The following EXOC4 variants were observed in gnomAD, a reference collection of about 807,000 sequenced individuals.
EXOC4 encodes SEC8-like 1.
In EXOC4, 71 loss-of-function variants were observed where a neutral mutation model predicts 107.2. The observed-to-expected ratio is 0.66, with a 90% confidence interval of 0.55 to 0.81. EXOC4 has a LOEUF of 0.81. Among genes scored for constraint, EXOC4 ranks in the 30% least tolerant of loss-of-function variants. The pLI is 0.00. For synonymous variants in EXOC4, 456 were observed against 441.2 expected (o/e 1.03, Z -0.42); for missense variants, 1,108 against 1,189.6 (o/e 0.93, Z 1.01).
At chr7:133,320,791 A>G (rs1795093375) in intron 5 of EXOC4, among the ~76,000 whole-genome samples, 1 of 152,236 alleles carries the variant, frequency 6.6e-6, no homozygotes, top group Admixed American at 6.5e-5. Context: ...TCTGGATCAC[A>G]TTATTAAAGG....
At chr7:133,498,830 C>T (rs1002457716) in intron 9 of EXOC4, among the ~76,000 whole-genome samples, 1 of 152,132 alleles carries the variant, frequency 6.6e-6, no homozygotes, top group African/African-American at 2.4e-5. Flanking sequence ...AGCTTCTTGG[C>T]CTCTTTTGAA....
intron 5 of EXOC4, among the ~76,000 whole-genome samples, chr7:133,318,104 AGT>A (rs1481473547): frequency 1.3e-5 from 2 of 152,100 alleles, no homozygotes; most frequent in Non-Finnish European, 2.9e-5. Flanking sequence ...GGAGCTTCTG[AGT>A]GTGTGACCTC....
intron 10 of EXOC4, among the ~76,000 whole-genome samples, chr7:133,813,458 G>T (rs933974341): frequency 2.0e-5 from 3 of 152,006 alleles, no homozygotes; most frequent in Admixed American, 1.3e-4. Context: ...AAAGAGTTTC[G>T]GTGTATTTAC....
chr7:133,788,658 A>G (rs925432409), intron 10 of EXOC4, among the ~76,000 whole-genome samples: 3 of 152,006 alleles, frequency 2.0e-5, no homozygotes, highest in East Asian at 1.9e-4. Context: ...ACGCCTGGCT[A>G]ATTTTTATGT....
chr7:133,792,233 G>A (rs756362560), intron 10 of EXOC4, among the ~76,000 whole-genome samples: 13 of 151,998 alleles, frequency 8.6e-5, no homozygotes, highest in Non-Finnish European at 1.3e-4. Flanking sequence ...CTTCTACTCC[G>A]ATTAAACAGC....
intron 11 of EXOC4, among the ~76,000 whole-genome samples, chr7:133,862,478 G>T (rs1387863542): frequency 2.0e-5 from 3 of 151,830 alleles, no homozygotes; most frequent in African/African-American, 7.3e-5. Flanking sequence ...GCAAGACTTC[G>T]TCTCAGGGGG....
intron 10 of EXOC4, among the ~76,000 whole-genome samples, chr7:133,678,090 T>C (rs955296179): frequency 1.3e-5 from 2 of 152,202 alleles, no homozygotes; most frequent in African/African-American, 4.8e-5. Flanking sequence ...AGCTGCTATA[T>C]AAAAAAGAAT....
At chr7:133,292,676 G>T (rs1265428714) in intron 3 of EXOC4, among the ~76,000 whole-genome samples, 1 of 152,026 alleles carries the variant, frequency 6.6e-6, no homozygotes, top group African/African-American at 2.4e-5. Context: ...ATAGCTAGGT[G>T]CTTTTCTTTA....
intron 10 of EXOC4, among the ~76,000 whole-genome samples, chr7:133,795,154 G>C (rs1195936990): frequency 1.3e-5 from 2 of 152,110 alleles, no homozygotes; most frequent in African/African-American, 4.8e-5. Flanking sequence ...CAATAAATAA[G>C]AAATGATGAC....
intron 12 of EXOC4, among the ~76,000 whole-genome samples, chr7:133,909,397 G>C (rs961477875): frequency 6.6e-6 from 1 of 152,184 alleles, no homozygotes; most frequent in East Asian, 1.9e-4. Context: ...AGTAGGTTCA[G>C]GGAAGACGCC....
chr7:133,297,085 C>T (rs1335886278), intron 3 of EXOC4, among the ~76,000 whole-genome samples: 2 of 152,174 alleles, frequency 1.3e-5, no homozygotes, highest in African/African-American at 4.8e-5. Flanking sequence ...ATGTAAGACA[C>T]ACATCACATG....
rs115287724 is a variant in EXOC4 at position 133,933,625 on chromosome 7, T to C, written c.2028-4266T>C. Among the ~76,000 whole-genome samples the C allele has an allele frequency of 2.4e-3, 365 of 152,268 alleles. 5 individuals are homozygous for C. The highest frequency in any genetic ancestry group is 8.2e-3 in the African/African-American group (341 of 41,558). ...TACATAAAAATTCAGGCCTAGAAAG[T>C]GGAAATAATACTGTCCAGTTGCCAG... On this transcript the variant is annotated intron_variant, in intron 13 of 17. Transcript: ENST00000253861.
rs567630186 is a variant in EXOC4, at chr7:133,441,486, G to A, written c.1183-33842G>A. On this transcript the variant is annotated intron_variant, in intron 7 of 17. Coordinates refer to ENST00000253861, the MANE Select transcript of EXOC4 (RefSeq NM_021807.4). ...GCTTACTGCAGTCTCTGTCTCCCAGGTTCAAGTGATTCTCATGCCTCAGCC... is the reference window on the plus strand; with the variant it reads ...GCTTACTGCAGTCTCTGTCTCCCAGATTCAAGTGATTCTCATGCCTCAGCC... Among the ~76,000 whole-genome samples the A allele has an allele frequency of 3.9e-5, 6 of 152,278 alleles. No individual in the cohort carries two copies. In the East Asian group the frequency reaches 1.2e-3, roughly 29 times the overall value.
intron 9 of EXOC4, among the ~76,000 whole-genome samples, chr7:133,507,420 G>A (rs189354234): frequency 6.6e-6 from 1 of 152,158 alleles, no homozygotes. Context: ...TGGATAATTT[G>A]TGAGTGGGCA....
intron 10 of EXOC4, among the ~76,000 whole-genome samples, chr7:133,679,495 C>T (rs1447574699): frequency 6.6e-6 from 1 of 151,976 alleles, no homozygotes; most frequent in East Asian, 1.9e-4. Flanking sequence ...AGCCTTTAGC[C>T]TGATGTTCCA....
intron 7 of EXOC4, among the ~76,000 whole-genome samples, chr7:133,382,219 G>T (rs1357898021): frequency 6.6e-6 from 1 of 152,182 alleles, no homozygotes; most frequent in African/African-American, 2.4e-5. Flanking sequence ...ACAGGCTTTG[G>T]TGTATGCTAA....
chr7:133,298,019 C>T (rs895740728), intron 3 of EXOC4, among the ~76,000 whole-genome samples: 1 of 152,140 alleles, frequency 6.6e-6, no homozygotes, highest in Non-Finnish European at 1.5e-5. Context: ...GTGTAAATTG[C>T]AGCTGATGAC....
intron 5 of EXOC4, among the ~76,000 whole-genome samples, chr7:133,320,570 G>T (rs944141583): frequency 9.9e-5 from 15 of 152,210 alleles, no homozygotes; most frequent in African/African-American, 3.4e-4. Context: ...AATTACATCT[G>T]CAGTCTCCTT....
chr7:133,963,390 C>G (rs1174755380), intron 14 of EXOC4, among the ~76,000 whole-genome samples: 1 of 152,180 alleles, frequency 6.6e-6, no homozygotes, highest in Non-Finnish European at 1.5e-5. Flanking sequence ...TTGTAATACA[C>G]TAGAAAATCT....
Sources: allele counts gnomAD v4.1 joint callset (sites outside exome capture counted in the v4.1 genomes callset), GRCh38; gene constraint gnomAD v4.1.1; transcripts MANE v1.5; gene names NCBI Gene and HGNC (gene_info 2026-07-23, HGNC 2026-07-21).